Variants in ERCC4 observed in about 807,000 individuals in gnomAD.
ERCC4 encodes the protein ERCC excision repair 4, endonuclease catalytic subunit.
In ERCC4, 65 loss-of-function variants were observed where a neutral mutation model predicts 76.9. The ratio of observed to expected loss-of-function variants is 0.84; its 90% CI spans 0.69 to 1.04. ERCC4 has a LOEUF of 1.04. Ranked by LOEUF, ERCC4 falls within the 50% of genes least tolerant of loss-of-function variation. ERCC4 has a pLI of 0.00. For synonymous variants in ERCC4, 463 were observed against 410.1 expected (o/e 1.13, Z -1.56); for missense variants, 1,214 against 1,128.2 (o/e 1.08, Z -1.09).
In ERCC4 at chr16:13,930,707, T is replaced by A; in HGVS notation, c.793-3T>A. ...GCAATACCAAATTTTATTCTTGTTT[T>A]AGACAATCCGCCATTATCTGGATCC... On this transcript the variant is annotated splice_polypyrimidine_tract_variant and splice_region_variant and intron_variant, in intron 4 of 10. Coordinates refer to ENST00000311895, the MANE Select transcript of ERCC4 (RefSeq NM_005236.3). The A allele has an allele frequency of 6.2e-7, 1 of 1,611,288 alleles. No individual in the cohort carries two copies. The highest frequency in any genetic ancestry group is 8.5e-7 in the Non-Finnish European group (1 of 1,177,420).
chr16:13,945,144 TG>T (rs2032490841), intron 10 of ERCC4, among the ~76,000 whole-genome samples: 1 of 152,220 alleles, frequency 6.6e-6, no homozygotes, highest in Admixed American at 6.5e-5. Flanking sequence ...AATGTACTTT[TG>T]CAAATAAACT....
At chr16:13,947,481 A>G in intron 10 of ERCC4, 133 bp from the exon 11 acceptor site, 3 of 976,502 alleles carry the variant, frequency 3.1e-6, no homozygotes, top group Admixed American at 4.0e-5. Flanking sequence ...TATAGAAATT[A>G]TATGGAATAT....
rs748894431 is a variant in ERCC4, at chr16:13,926,569, G to A, written c.397G>A (p.Val133Met). ...ATGTTTCTCCCCCTCAGGCATCTTG[G>A]TGTATAGAGCCCACAGAATAATCGA... Reference protein sequence around the residue: ...IPSDLITGILVYRAHRIIESC... With the variant: ...IPSDLITGILMYRAHRIIESC... The change falls in exon 3 of 11, where the codon GTG becomes ATG. Residue 133 changes from valine to methionine, a missense_variant. Val to Met is a conservative substitution (Grantham distance 21). Coordinates refer to ENST00000311895, the MANE Select transcript of ERCC4 (RefSeq NM_005236.3). 17 of 1,613,732 alleles carry A rather than the reference G, an allele frequency of 1.1e-5. No individual in the cohort carries two copies. Among genetic ancestry groups the A allele is most frequent in the Non-Finnish European group, 1.4e-5 (16 of 1,179,816 alleles).
At chr16:13,932,429 A>G in intron 6 of ERCC4, 144 bp downstream of exon 6, 1 of 713,640 alleles carries the variant, frequency 1.4e-6, no homozygotes, top group Non-Finnish European at 2.4e-6. Flanking sequence ...TATATGTAAC[A>G]TGTAATGTAT....
intron 1 of ERCC4, 131 bp downstream of exon 1, chr16:13,920,503 C>T (rs2031951287): frequency 1.2e-6 from 1 of 865,898 alleles, no homozygotes; most frequent in Non-Finnish European, 1.9e-6. Flanking sequence ...CGCGATGACA[C>T]AGAGAAGGAT....
At chr16:13,930,306 A>G (rs879716180) in intron 4 of ERCC4, among the ~76,000 whole-genome samples, 4 of 152,016 alleles carry the variant, frequency 2.6e-5, no homozygotes, top group Admixed American at 6.5e-5. Flanking sequence ...GTCAGAGTCA[A>G]ACTTGGCAGG....
intron 8 of ERCC4, 103 bp from the exon 9 acceptor site, chr16:13,937,660 TTTG>T (rs1452856636): frequency 6.6e-6 from 5 of 751,976 alleles, no homozygotes; most frequent in Non-Finnish European, 1.2e-5. Context: ...TAGTCAAATA[TTTG>T]TTATTTGAGC....
rs140726146 is a variant in ERCC4 at position 13,948,321 on chromosome 16, G to C, written c.2725G>C (p.Val909Leu). ...DFIHTSFAEV[V>L]SKGKGKK ...CATTCACACCTCTTTTGCAGAAGTC[G>C]TATCAAAAGGAAAAGGGAAAAAGTG... The change falls in exon 11 of 11, where the codon GTA becomes CTA. Residue 909 changes from valine to leucine, a missense_variant. Transcript: ENST00000311895. 2.5e-6 allele frequency: 4 copies of C among 1,612,334 alleles called. No homozygotes were observed. Among genetic ancestry groups the C allele is most frequent in the Admixed American group, 3.3e-5 (2 of 59,998 alleles).
chr16:13,920,347 T>A lies in ERCC4; in HGVS notation c.182T>A (p.Val61Glu). 1 of 1,593,548 alleles carries A rather than the reference T, an allele frequency of 6.3e-7. No individual in the cohort carries two copies. Among genetic ancestry groups the A allele is most frequent in the Non-Finnish European group, 8.5e-7 (1 of 1,176,810 alleles). Residue 61 changes from valine to glutamate, a missense_variant, in exon 1 of 11, where the codon GTG becomes GAG. Physicochemically the swap from Val to Glu is moderately radical, Grantham distance 121. Coordinates refer to ENST00000311895, the MANE Select transcript of ERCC4 (RefSeq NM_005236.3). Reference sequence around the variant, plus strand: ...TGCCACCCAGCCTGCCTGGTGCTGGTGCTCAACACGCAGCCGGCCGAGGAG... The same window carrying A: ...TGCCACCCAGCCTGCCTGGTGCTGGAGCTCAACACGCAGCCGGCCGAGGAG... ...LHCHPACLVL[V>E]LNTQPAEEEY... is the part of the protein sequence containing the mutation.
In ERCC4 at chr16:13,926,393, T is replaced by C. The variant is rs2032072427; in HGVS notation, c.389-168T>C. 2.0e-5 allele frequency among the ~76,000 whole-genome samples: 3 copies of C among 152,262 alleles called. No homozygotes were observed. The South Asian group carries it at 6.2e-4, about 31-fold the overall frequency. On this transcript the variant is annotated intron_variant, in intron 2 of 10. Coordinates refer to ENST00000311895, the MANE Select transcript of ERCC4 (RefSeq NM_005236.3). ...AAATATTTTACGTATTTATATTGTTTATAGTCAATTCCTTGAGGACAGGGA... is the reference window on the plus strand; with the variant it reads ...AAATATTTTACGTATTTATATTGTTCATAGTCAATTCCTTGAGGACAGGGA...
chr16:13,924,296 G>T (rs186356583), intron 2 of ERCC4, among the ~76,000 whole-genome samples: 5 of 152,242 alleles, frequency 3.3e-5, no homozygotes, highest in Non-Finnish European at 7.4e-5. Flanking sequence ...CTCCTAACAC[G>T]TGGGAGAACT....
In ERCC4 at chr16:13,951,438, C is replaced by T. The variant is rs1167403584; in HGVS notation, c.*3091C>T. The T allele has an allele frequency of 2.0e-5, 4 of 204,588 alleles. No individual in the cohort carries two copies. The highest frequency in any genetic ancestry group is 4.0e-5 in the Non-Finnish European group (4 of 100,038). 12.7% of individuals were successfully genotyped at this position (204,588 alleles called of 1,614,324 possible). A position where few individuals can be genotyped will look rare whatever the true frequency, so the allele number is the denominator to read the frequency against. On this transcript the variant is annotated 3_prime_UTR_variant, in exon 11 of 11. Transcript: ENST00000311895. ...AAGTTTCATTTAAATCATGGTGCCT[C>T]TTTTGATACTTTCTTAAAATTGTGC...
intron 9 of ERCC4, among the ~76,000 whole-genome samples, chr16:13,938,361 C>A (rs921722669): frequency 1.3e-5 from 2 of 152,136 alleles, no homozygotes; most frequent in Non-Finnish European, 2.9e-5. Context: ...TCTGGACATA[C>A]ACGTGTATGT....
chr16:13,939,101 A>G (rs992585368), intron 9 of ERCC4, among the ~76,000 whole-genome samples: 2 of 152,200 alleles, frequency 1.3e-5, no homozygotes, highest in South Asian at 2.1e-4. Flanking sequence ...ATGTGGGTAT[A>G]TATATTTTTC....
intron 1 of ERCC4, among the ~76,000 whole-genome samples, chr16:13,921,557 G>A (rs1480561522): frequency 6.6e-6 from 1 of 152,096 alleles, no homozygotes; most frequent in Non-Finnish European, 1.5e-5. Flanking sequence ...TTTAAACTGG[G>A]GATATAAATA....
rs1017181354 is a variant in ERCC4, at chr16:13,948,477, A to G, written c.*130A>G. 1.2e-5 allele frequency: 14 copies of G among 1,145,172 alleles called. No homozygotes were observed. The East Asian group carries it at 2.9e-4, about 23-fold the overall frequency. 70.9% of individuals were successfully genotyped at this position (1,145,172 alleles called of 1,614,324 possible). A position where few individuals can be genotyped will look rare whatever the true frequency, so the allele number is the denominator to read the frequency against. On this transcript the variant is annotated 3_prime_UTR_variant, in exon 11 of 11. Coordinates refer to ENST00000311895, the MANE Select transcript of ERCC4 (RefSeq NM_005236.3). ...AATGCTCTTAATGATTGTACGGTGG[A>G]CCAGAAGCCAGGATTCCTCTCTGAA...
intron 8 of ERCC4, 25 bp from the exon 9 acceptor site, chr16:13,937,741 C>T (rs141501292): frequency 4.6e-6 from 7 of 1,515,184 alleles, no homozygotes; most frequent in Middle Eastern, 3.4e-4. Context: ...TTTTTCCAAC[C>T]TAAAAGTTCT....
chr16:13,946,844 T>C (rs2032524152), intron 10 of ERCC4, among the ~76,000 whole-genome samples: 1 of 152,160 alleles, frequency 6.6e-6, no homozygotes, highest in African/African-American at 2.4e-5. Flanking sequence ...AACTGCAACC[T>C]CCACCTCCTG....
At chr16:13,939,490 C>G (rs765607124) in intron 9 of ERCC4, among the ~76,000 whole-genome samples, 3 of 152,096 alleles carry the variant, frequency 2.0e-5, no homozygotes, top group Non-Finnish European at 4.4e-5. Flanking sequence ...ACAAGCTGAT[C>G]GGGAGCCGCT....
Sources: gnomAD v4.1 joint callset for allele counts (sites outside exome capture counted in the v4.1 genomes callset) on GRCh38, gnomAD v4.1.1 for gene constraint, MANE v1.5 for transcripts, NCBI Gene and HGNC (gene_info 2026-07-23, HGNC 2026-07-21) for gene names.